Variants in SPON1 observed in about 807,000 individuals in gnomAD.
The protein encoded by SPON1 is spondin-1.
SPON1 carries 52 observed loss-of-function variants against 111.7 expected under a neutral mutation model. That is an observed-to-expected ratio of 0.47 (90% CI 0.37 to 0.59). SPON1 has a LOEUF of 0.59. SPON1 is among the 20% of genes least tolerant of loss of function. The pLI, the probability that SPON1 is intolerant of heterozygous loss-of-function variation, is 0.00. For synonymous variants in SPON1, 410 were observed against 395.8 expected, an observed-to-expected ratio of 1.04 and a Z score of -0.43; for missense variants, 957 against 1,068.5, an observed-to-expected ratio of 0.90 and a Z score of 1.46.
At chr11:14,089,719 G>C (rs782510063) in intron 5 of SPON1, among the ~76,000 whole-genome samples, 33 of 152,204 alleles carry the variant, frequency 2.2e-4, no homozygotes, top group Non-Finnish European at 4.6e-4. Context: ...TGGCAGGCAG[G>C]AATGTTTAAA....
intron 14 of SPON1, among the ~76,000 whole-genome samples, chr11:14,262,184 A>G (rs1554941973): frequency 6.6e-6 from 1 of 152,180 alleles, no homozygotes; most frequent in African/African-American, 2.4e-5. Context: ...TGCATAGACC[A>G]CCATATATAG....
At chr11:14,125,322 A>G (rs1554926905) in intron 5 of SPON1, among the ~76,000 whole-genome samples, 6 of 152,240 alleles carry the variant, frequency 3.9e-5, no homozygotes. Context: ...TCTGTTGGTC[A>G]CTGGCCACAT....
At chr11:14,252,665 G>A (rs899111895) in intron 7 of SPON1, among the ~76,000 whole-genome samples, 1 of 148,262 alleles carries the variant, frequency 6.7e-6, no homozygotes, top group Non-Finnish European at 1.5e-5. Flanking sequence ...TGGGAATCCA[G>A]CGCTATGTAC....
intron 3 of SPON1, among the ~76,000 whole-genome samples, chr11:14,042,429 G>A (rs543529641): frequency 4.2e-4 from 64 of 152,102 alleles, no homozygotes; most frequent in African/African-American, 1.4e-3. Context: ...GTTTCACCCA[G>A]TATTTATGGT....
chr11:14,038,191 C>T (rs782392757), intron 2 of SPON1, among the ~76,000 whole-genome samples: 6 of 144,278 alleles, frequency 4.2e-5, no homozygotes, highest in African/African-American at 7.8e-5. Flanking sequence ...AACGACTGGG[C>T]GTGGCAGCTC....
chr11:14,060,735 A>G (rs1258867523), intron 3 of SPON1, among the ~76,000 whole-genome samples: 1 of 152,226 alleles, frequency 6.6e-6, no homozygotes, highest in African/African-American at 2.4e-5. Flanking sequence ...TGTCTACTAC[A>G]GAGTGCCTAG....
intron 2 of SPON1, among the ~76,000 whole-genome samples, chr11:13,988,626 G>A (rs559883003): frequency 2.4e-4 from 37 of 152,184 alleles, no homozygotes; most frequent in Middle Eastern, 6.8e-3. Context: ...GTCCTGTGCC[G>A]GTTTTCAAAG....
chr11:14,013,985 A>G (rs1848425133), intron 2 of SPON1, among the ~76,000 whole-genome samples: 1 of 152,200 alleles, frequency 6.6e-6, no homozygotes, highest in South Asian at 2.1e-4. Context: ...AAAGGGGAGT[A>G]TTAAACATAG....
At chr11:13,987,727 T>C (rs1220137651) in intron 2 of SPON1, among the ~76,000 whole-genome samples, 1 of 152,224 alleles carries the variant, frequency 6.6e-6, no homozygotes, top group Non-Finnish European at 1.5e-5. Context: ...CTGATTTTTG[T>C]ATAAGGTGTA....
chr11:14,230,627 C>T (rs546357688), intron 6 of SPON1, among the ~76,000 whole-genome samples: 36 of 152,360 alleles, frequency 2.4e-4, no homozygotes, highest in African/African-American at 8.2e-4. Flanking sequence ...GTCCGCCCTA[C>T]TCTCCTCCAC....
chr11:14,055,932 C>T (rs1554919145), intron 3 of SPON1, among the ~76,000 whole-genome samples: 1 of 152,220 alleles, frequency 6.6e-6, no homozygotes. Flanking sequence ...GCCTGCCTAA[C>T]CCCAGTGGCC....
At position 14,246,121 on chromosome 11, in the gene SPON1, G is replaced by A. The variant is rs77565173; in HGVS notation, c.890+2725G>A. ...GCAGGTAGGGGTGGGGAGAGTTTGT[G>A]GGTACCAATTTTTACACCATTAAGG... On this transcript the variant is annotated intron_variant, in intron 7 of 15. Coordinates refer to ENST00000576479, the MANE Select transcript of SPON1 (RefSeq NM_006108.4). Among the ~76,000 whole-genome samples the A allele has an allele frequency of 9.0e-3, 1,368 of 152,240 alleles. 16 individuals are homozygous for A. The highest frequency in any genetic ancestry group is 0.031 in the African/African-American group (1,308 of 41,530).
chr11:14,255,597 G>C, intron 8 of SPON1, 50 bp from the exon 9 acceptor site: 7 of 1,587,542 alleles, frequency 4.4e-6, no homozygotes, highest in Non-Finnish European at 6.0e-6. Context: ...GCTTTTGTGG[G>C]TTTTCCCAAT....
chr11:14,145,474 T>C (rs1417380636), intron 6 of SPON1, among the ~76,000 whole-genome samples: 3 of 152,192 alleles, frequency 2.0e-5, no homozygotes, highest in African/African-American at 7.2e-5. Context: ...AAGTGAGAGA[T>C]CATTAATATA....
chr11:14,068,347 T>C (rs1848848494), intron 3 of SPON1, among the ~76,000 whole-genome samples: 2 of 152,216 alleles, frequency 1.3e-5, no homozygotes, highest in Non-Finnish European at 2.9e-5. Flanking sequence ...CTTTGTAGTG[T>C]AACTTTGTGC....
intron 6 of SPON1, among the ~76,000 whole-genome samples, chr11:14,169,582 C>G (rs200900812): frequency 0.17 from 25,113 of 148,820 alleles, 2,246 homozygotes; most frequent in Admixed American, 0.23. Context: ...CCATGCCTAT[C>G]TCCTGAATGG....
chr11:14,062,780 A>G (rs572180500), intron 3 of SPON1, among the ~76,000 whole-genome samples: 33 of 152,352 alleles, frequency 2.2e-4, no homozygotes, highest in South Asian at 4.1e-4. Context: ...GGAGATATCC[A>G]GAAAGCTAGG....
chr11:14,122,288 C>G (rs1264565301), intron 5 of SPON1, among the ~76,000 whole-genome samples: 2 of 152,188 alleles, frequency 1.3e-5, no homozygotes, highest in Non-Finnish European at 2.9e-5. Context: ...ATTCTCCTGC[C>G]TCAGCCGCCT....
At chr11:14,212,150 T>G (rs1848583684) in intron 6 of SPON1, among the ~76,000 whole-genome samples, 2 of 152,028 alleles carry the variant, frequency 1.3e-5, no homozygotes. Context: ...TTAGTAACCT[T>G]CCTTAAGATC....
Sources: allele counts gnomAD v4.1 joint callset (sites outside exome capture counted in the v4.1 genomes callset), GRCh38; gene constraint gnomAD v4.1.1; transcripts MANE v1.5; gene names NCBI Gene and HGNC (gene_info 2026-07-23, HGNC 2026-07-21).